The following SENP6 variants were observed in gnomAD, a reference collection of about 807,000 sequenced individuals.
The protein encoded by SENP6 is sentrin-specific protease 6.
SENP6 carries 41 observed loss-of-function variants against 134.5 expected under a neutral mutation model. The observed-to-expected ratio is 0.30, with a 90% CI of 0.24 to 0.40. SENP6 has a LOEUF of 0.40. Among genes scored for constraint, SENP6 ranks in the 10% least tolerant of loss-of-function variants. SENP6 has a pLI of 1.00. For synonymous variants in SENP6, 395 were observed against 429.8 expected (o/e 0.92, Z 1.00); for missense variants, 1,248 against 1,312.5 (o/e 0.95, Z 0.76).
At chr6:75,611,961 T>C (rs1377831246) in intron 1 of SENP6, 1 of 152,206 alleles carries the variant, frequency 6.6e-6, no homozygotes, top group Non-Finnish European at 1.5e-5. Flanking sequence ...TAATTTAATA[T>C]TACATCCAGA....
Position 75,634,589 on chromosome 6 carries a change from T to A in SENP6, c.354-118T>A, listed in dbSNP as rs984657507. 226 of 544,848 alleles carry A rather than the reference T, an allele frequency of 4.1e-4. 2 individuals are homozygous for A. In the South Asian group the frequency reaches 4.6e-3, roughly 11 times the overall value. The allele number at this position is 544,848 out of a possible 1,614,324, so 33.8% of individuals were successfully genotyped here. A position where few individuals can be genotyped will look rare whatever the true frequency, so the allele number is the denominator to read the frequency against. On this transcript the variant is annotated intron_variant, in intron 4 of 23. Transcript: ENST00000447266. ...AAGACAATTGGGTTTATCCATAAAT[T>A]TTTTGTTGTTGTTGGTAAAGGTTTT...
At chr6:75,644,255 G>A (rs1770251719) in intron 6 of SENP6, 1 of 151,776 alleles carries the variant, frequency 6.6e-6, no homozygotes, top group Admixed American at 6.6e-5. Context: ...AAGGGAAACG[G>A]GAGCCAACTA....
chr6:75,606,711 G>T (rs1227150528), intron 1 of SENP6, among the ~76,000 whole-genome samples: 1 of 152,114 alleles, frequency 6.6e-6, no homozygotes, highest in East Asian at 1.9e-4. Flanking sequence ...AATGCTCATT[G>T]AATCAATTCA....
chr6:75,602,681 G>A lies in SENP6; in HGVS notation c.52+105G>A, dbSNP rs1044868788. ...TATCTGCGCTGGGTGGGTTTCGGGGGCGGTGAAGTACGAGGGATGAGCGAT... is the reference window on the plus strand; with the variant it reads ...TATCTGCGCTGGGTGGGTTTCGGGGACGGTGAAGTACGAGGGATGAGCGAT... On this transcript the variant is annotated intron_variant, in intron 1 of 23. Coordinates refer to ENST00000447266, the MANE Select transcript of SENP6 (RefSeq NM_015571.4). The A allele has an allele frequency of 1.1e-5, 13 of 1,188,302 alleles. No individual in the cohort carries two copies. The East Asian group carries it at 2.9e-4, about 26-fold the overall frequency. 73.6% of individuals were successfully genotyped at this position (1,188,302 alleles called of 1,614,324 possible). A position where few individuals can be genotyped will look rare whatever the true frequency, so the allele number is the denominator to read the frequency against.
chr6:75,626,366 T>C (rs1768694893), intron 3 of SENP6, among the ~76,000 whole-genome samples: 1 of 152,002 alleles, frequency 6.6e-6, no homozygotes, highest in Non-Finnish European at 1.5e-5. Context: ...TGTAAGCATA[T>C]ACCACTTTTC....
At chr6:75,670,506 C>T (rs777570340) in intron 10 of SENP6, 47 bp from the exon 11 acceptor site, 6 of 1,414,286 alleles carry the variant, frequency 4.2e-6, no homozygotes, top group East Asian at 2.3e-5. Context: ...TAGCTTGCAG[C>T]CTTATTTTAG....
chr6:75,660,130 G>A (rs1771659985), intron 8 of SENP6, among the ~76,000 whole-genome samples: 1 of 152,140 alleles, frequency 6.6e-6, no homozygotes, highest in Admixed American at 6.5e-5. Flanking sequence ...TTGTTGAGGA[G>A]TATAGGACAC....
At position 75,675,423 on chromosome 6, in the gene SENP6, C is replaced by A; in HGVS notation, c.1393-12C>A. On this transcript the variant is annotated splice_polypyrimidine_tract_variant and intron_variant, in intron 11 of 23. Transcript: ENST00000447266. Reference sequence around the variant, plus strand: ...TAAGTCTAGAGCAATACTAATTCATCTTTTTTTTTAGTTTTGTTTAGATTT... The same window carrying A: ...TAAGTCTAGAGCAATACTAATTCATATTTTTTTTTAGTTTTGTTTAGATTT... 3 of 1,355,808 alleles carry A rather than the reference C, an allele frequency of 2.2e-6. No homozygotes were observed. The highest frequency in any genetic ancestry group is 3.1e-6 in the Non-Finnish European group (3 of 978,816). The allele number at this position is 1,355,808 out of a possible 1,614,324, so 84.0% of individuals were successfully genotyped here.
chr6:75,705,925 C>CTTTTTTTT (rs71544062), intron 19 of SENP6, among the ~76,000 whole-genome samples: 8 of 47,974 alleles, frequency 1.7e-4, no homozygotes, highest in Admixed American at 2.5e-4. Context: ...ATTTTTGAGC[C>CTTTTTTTT]TTTTTTTTTT....
intron 3 of SENP6, 83 bp from the exon 4 acceptor site, chr6:75,633,498 C>G: frequency 8.3e-7 from 1 of 1,204,858 alleles, no homozygotes; most frequent in Non-Finnish European, 1.1e-6. Context: ...GTTTTTACTA[C>G]TTTTAAATGG....
At chr6:75,658,742 T>TA (rs1471219462) in intron 7 of SENP6, among the ~76,000 whole-genome samples, 1 of 151,806 alleles carries the variant, frequency 6.6e-6, no homozygotes, top group Non-Finnish European at 1.5e-5. Context: ...TTACTACTCT[T>TA]AGAGTAAGTG....
rs1246387163 is a variant in SENP6 at position 75,633,605 on chromosome 6, G to A, written c.232G>A (p.Ala78Thr). 7 of 1,597,732 alleles carry A rather than the reference G, an allele frequency of 4.4e-6. 1 individual carries two copies. Among genetic ancestry groups the A allele is most frequent in the South Asian group, 3.4e-5 (3 of 87,058 alleles). Residue 78 changes from alanine to threonine, a missense_variant, in exon 4 of 24, where the codon GCT (alanine) becomes ACT (threonine). By Grantham distance (58) the Ala-to-Thr change is moderately conservative (BLOSUM62 0). Transcript: ENST00000447266. Reference sequence around the variant, plus strand: ...GTTAAATCGTCGATCTGAAATTGTTGCTAATAGCTCTGGTGAATTCATCTT... The same window carrying A: ...GTTAAATCGTCGATCTGAAATTGTTACTAATAGCTCTGGTGAATTCATCTT... ...KKLNRRSEIV[A>T]NSSGEFILKT...
chr6:75,690,423 C>T (rs910924938), intron 16 of SENP6, among the ~76,000 whole-genome samples: 1 of 152,054 alleles, frequency 6.6e-6, no homozygotes, highest in Non-Finnish European at 1.5e-5. Flanking sequence ...GGTCATTGTG[C>T]CAAGCACAGT....
At chr6:75,658,351 C>T (rs150891342) in intron 7 of SENP6, among the ~76,000 whole-genome samples, 6 of 152,022 alleles carry the variant, frequency 3.9e-5, no homozygotes, top group Non-Finnish European at 4.4e-5. Context: ...TTTATGTCTA[C>T]ATAATCTTAT....
At chr6:75,692,510 C>A (rs72654740) in intron 16 of SENP6, among the ~76,000 whole-genome samples, 4 of 152,008 alleles carry the variant, frequency 2.6e-5, no homozygotes, top group Non-Finnish European at 4.4e-5. Flanking sequence ...GCCTGTGGTC[C>A]CAGCTACTCA....
At position 75,637,256 on chromosome 6, in the gene SENP6, A is replaced by G. The variant is rs551872148; in HGVS notation, c.458+2445A>G. ...ATAGTGTATTCTTGGGGTGAGTGGT[A>G]TATCTTGTCTTTTAAGTAAATCAGT... On this transcript the variant is annotated intron_variant, in intron 5 of 23. Coordinates refer to ENST00000447266, the MANE Select transcript of SENP6 (RefSeq NM_015571.4). 2.6e-5 allele frequency among the ~76,000 whole-genome samples: 4 copies of G among 152,302 alleles called. No individual in the cohort carries two copies. The East Asian group carries it at 5.8e-4, about 22-fold the overall frequency.
rs1190358417 is a variant in SENP6, at chr6:75,702,834, G to A, written c.2478G>A (p.Lys826=). The part of the protein sequence containing the change: ...QNSSAKPVIK[K]MLNKKHCIAV... ...CTTCTGCCAAGCCTGTAATTAAGAA[G>A]ATGCTAAACAAAAAACATTGCATAG... Residue 826 remains lysine, a synonymous_variant, in exon 19 of 24, where the codon AAG becomes AAA. Transcript: ENST00000447266. The A allele has an allele frequency of 1.2e-6, 2 of 1,614,064 alleles. No homozygotes were observed. The highest frequency in any genetic ancestry group is 1.1e-5 in the South Asian group (1 of 91,062).
At chr6:75,712,422 G>C (rs774017683) in intron 21 of SENP6, among the ~76,000 whole-genome samples, 56 of 151,998 alleles carry the variant, frequency 3.7e-4, no homozygotes, top group Non-Finnish European at 6.2e-4. Context: ...GTCACACTTT[G>C]TGCTAGCACT....
At chr6:75,666,086 C>CGTATATATGATATATATAAAAT (rs1391246781) in intron 9 of SENP6, among the ~76,000 whole-genome samples, 1 of 142,714 alleles carries the variant, frequency 7.0e-6, no homozygotes, top group African/African-American at 2.6e-5. Flanking sequence ...ATATATAAAA[C>CGTATATATGATATATATAAAAT]GTATATATGA....
Sources: allele counts gnomAD v4.1 joint callset (sites outside exome capture counted in the v4.1 genomes callset), GRCh38; gene constraint gnomAD v4.1.1; transcripts MANE v1.5; gene names NCBI Gene and HGNC (gene_info 2026-07-23, HGNC 2026-07-21).